The following ARID1B variants were observed in gnomAD, a reference collection of about 807,000 sequenced individuals.
The protein encoded by ARID1B is AT-rich interaction domain 1B, also known as AT-rich interactive domain-containing protein 1B.
ARID1B carries 30 observed loss-of-function variants against 212.3 expected under a neutral mutation model. The observed-to-expected ratio is 0.14, with a 90% CI of 0.11 to 0.19. The LOEUF (loss-of-function observed/expected upper bound fraction) is 0.19, where lower values mean the gene tolerates loss of function less well. Among genes scored for constraint, ARID1B ranks in the 10% least tolerant of loss-of-function variants. ARID1B has a pLI of 1.00. For missense variants in ARID1B, 2,891 were observed against 3,204.0 expected (o/e 0.90, Z 2.36); for synonymous variants, 1,402 against 1,301.7 (o/e 1.08, Z -1.66).
At chr6:156,854,695 T>G (rs1035636313) in intron 2 of ARID1B, among the ~76,000 whole-genome samples, 1 of 152,256 alleles carries the variant, frequency 6.6e-6, no homozygotes, top group African/African-American at 2.4e-5. Context: ...CGGAATTGTG[T>G]CCACCTCTAG....
At chr6:157,074,902 G>A (rs1784213144) in intron 4 of ARID1B, among the ~76,000 whole-genome samples, 1 of 152,144 alleles carries the variant, frequency 6.6e-6, no homozygotes, top group Admixed American at 6.5e-5. Flanking sequence ...ATGGTTGAGT[G>A]TAAAACACAC....
At chr6:156,933,514 G>A (rs1791922483) in intron 3 of ARID1B, among the ~76,000 whole-genome samples, 2 of 152,190 alleles carry the variant, frequency 1.3e-5, no homozygotes, top group Non-Finnish European at 2.9e-5. Flanking sequence ...GAGGGGGAAG[G>A]TGGTGGGGAG....
chr6:156,923,625 G>T (rs1214862489), intron 3 of ARID1B, among the ~76,000 whole-genome samples: 1 of 151,948 alleles, frequency 6.6e-6, no homozygotes, highest in African/African-American at 2.4e-5. Context: ...GTGTGATGTA[G>T]AATTATTAGC....
rs369218715 is a variant in ARID1B at position 157,184,392 on chromosome 6, C to G, written c.3876C>G (p.Thr1292=). ...AGCCCCCGCCGGAAGTCTTCAGCAC[C>G]GGGGACACCAAAAAGCAGCCCAAGC... ...GEEPPPEVFS[T]GDTKKQPKLQ... is the part of the protein sequence containing the mutation. The change falls in exon 13 of 20, where the codon ACC becomes ACG. Residue 1292 remains threonine, a synonymous_variant. Coordinates refer to ENST00000636930, the MANE Select transcript of ARID1B (RefSeq NM_001374828.1). The G allele has an allele frequency of 3.7e-6, 6 of 1,614,098 alleles. No individual in the cohort carries two copies. The Admixed American group carries it at 1.0e-4, about 27-fold the overall frequency.
intron 11 of ARID1B, among the ~76,000 whole-genome samples, chr6:157,178,270 A>T (rs1187612698): frequency 6.6e-6 from 1 of 152,112 alleles, no homozygotes; most frequent in Non-Finnish European, 1.5e-5. Flanking sequence ...GTAATCACTC[A>T]TGGAAAAAAA....
At position 157,209,534 on chromosome 6, in the gene ARID1B, C is replaced by T; in HGVS notation, c.*1643C>T. The T allele has an allele frequency of 4.3e-6, 1 of 233,114 alleles. No individual in the cohort carries two copies. The highest frequency in any genetic ancestry group is 8.5e-6 in the Non-Finnish European group (1 of 117,984). 14.4% of individuals were successfully genotyped at this position (233,114 alleles called of 1,614,324 possible). ...AGTATTTATGGGAGGTGGCTGCTGA[C>T]CCACTTGAGGTGAGATCTCAGAAGC... On this transcript the variant is annotated 3_prime_UTR_variant, in exon 20 of 20. Transcript: ENST00000636930.
At chr6:157,147,938 A>G (rs1383647510) in intron 7 of ARID1B, among the ~76,000 whole-genome samples, 2 of 73,374 alleles carry the variant, frequency 2.7e-5, no homozygotes, top group African/African-American at 5.7e-5. Flanking sequence ...CTCGCCTTTG[A>G]CCCTGCCCGC....
At chr6:157,140,960 T>A (rs890216833) in intron 7 of ARID1B, 10 of 298,674 alleles carry the variant, frequency 3.3e-5, no homozygotes, top group Non-Finnish European at 3.7e-5. Flanking sequence ...ACATAAGCTC[T>A]TGTCTTCATT....
intron 2 of ARID1B, among the ~76,000 whole-genome samples, chr6:156,839,751 C>T (rs1384251740): frequency 2.6e-5 from 4 of 152,146 alleles, no homozygotes; most frequent in South Asian, 2.1e-4. Context: ...CGCAGCAGGC[C>T]GTGAGAGTGA....
At chr6:156,909,230 A>G (rs1027157964) in intron 3 of ARID1B, among the ~76,000 whole-genome samples, 5 of 149,276 alleles carry the variant, frequency 3.3e-5, no homozygotes, top group South Asian at 2.1e-4. Flanking sequence ...AATTCAAGCA[A>G]TTCTCCTGCC....
intron 4 of ARID1B, among the ~76,000 whole-genome samples, chr6:157,010,078 A>T (rs1779477309): frequency 6.6e-6 from 1 of 152,178 alleles, no homozygotes; most frequent in Non-Finnish European, 1.5e-5. Context: ...AAATATTGTG[A>T]ACTGTTTGGA....
chr6:156,789,469 T>C (rs1264203938), intron 1 of ARID1B, among the ~76,000 whole-genome samples: 1 of 152,188 alleles, frequency 6.6e-6, no homozygotes, highest in Non-Finnish European at 1.5e-5. Context: ...GATTCTTTGG[T>C]GACCTCCACA....
At chr6:157,044,789 C>A (rs544036191) in intron 4 of ARID1B, among the ~76,000 whole-genome samples, 1 of 151,194 alleles carries the variant, frequency 6.6e-6, no homozygotes, top group East Asian at 2.0e-4. Flanking sequence ...ATTCAAATAT[C>A]ATTTCTTCAG....
Position 157,090,698 on chromosome 6 carries a change from G to A in ARID1B, c.2491+5793G>A, listed in dbSNP as rs554936829. Among the ~76,000 whole-genome samples the A allele has an allele frequency of 1.4e-4, 21 of 152,308 alleles. No homozygotes were observed. In the South Asian group the frequency reaches 2.9e-3, roughly 21 times the overall value. ...CATTTCGTGCTTCGCTGTTTGAGGC[G>A]CTCACCTGCCACCTGGCCTCTCGGC... On this transcript the variant is annotated intron_variant, in intron 5 of 19. Transcript: ENST00000636930.
intron 2 of ARID1B, among the ~76,000 whole-genome samples, chr6:156,842,304 A>T (rs1783957589): frequency 6.6e-6 from 1 of 152,180 alleles, no homozygotes; most frequent in Non-Finnish European, 1.5e-5. Context: ...GCAACTGCTA[A>T]CCTGCCTTCT....
rs927215018 is a variant in ARID1B at position 156,962,649 on chromosome 6, A to AT, written c.2247+27080dup. ...AGGCAGGCACCACCACCCCCGGCTA[A>AT]TTTTTTTGTATTTTTAGTAGAGATG... On this transcript the variant is annotated intron_variant, in intron 4 of 19. Transcript: ENST00000636930. Among the ~76,000 whole-genome samples the AT allele has an allele frequency of 8.6e-5, 13 of 151,190 alleles. No individual in the cohort carries two copies. In the East Asian group the frequency reaches 2.2e-3, roughly 25 times the overall value.
At chr6:156,800,012 A>T (rs1780667829) in intron 1 of ARID1B, among the ~76,000 whole-genome samples, 1 of 152,192 alleles carries the variant, frequency 6.6e-6, no homozygotes, top group South Asian at 2.1e-4. Flanking sequence ...TGCCATGGAA[A>T]ACACTTTTAT....
Position 156,946,392 on chromosome 6 carries a change from T to A in ARID1B, c.2247+10816T>A, listed in dbSNP as rs568987628. Among the ~76,000 whole-genome samples the A allele has an allele frequency of 3.4e-4, 51 of 151,332 alleles. No individual in the cohort carries two copies. The South Asian group carries it at 0.01, about 31-fold the overall frequency. ...ATCTCAAAAAATAAAAAATAAATAATAAATAAATAAATAAATATGCCCATT... is the reference window on the plus strand; with the variant it reads ...ATCTCAAAAAATAAAAAATAAATAAAAAATAAATAAATAAATATGCCCATT... On this transcript the variant is annotated intron_variant, in intron 4 of 19. Coordinates refer to ENST00000636930, the MANE Select transcript of ARID1B (RefSeq NM_001374828.1).
At chr6:156,926,479 C>G (rs770218329) in intron 3 of ARID1B, among the ~76,000 whole-genome samples, 7 of 152,154 alleles carry the variant, frequency 4.6e-5, no homozygotes, top group Non-Finnish European at 7.3e-5. Flanking sequence ...GAGTCAGTCT[C>G]AGCCCCACTC....
Sources: gnomAD v4.1 joint callset for allele counts (sites outside exome capture counted in the v4.1 genomes callset) on GRCh38, gnomAD v4.1.1 for gene constraint, MANE v1.5 for transcripts, NCBI Gene and HGNC (gene_info 2026-07-23, HGNC 2026-07-21) for gene names.